Variants in TBC1D4 observed in about 807,000 individuals in gnomAD.
The protein encoded by TBC1D4 is TBC (Tre-2, BUB2, CDC16) domain-containing protein.
In TBC1D4, 121 loss-of-function variants were observed where a neutral mutation model predicts 142.5. That is an observed-to-expected ratio of 0.85 (90% CI 0.73 to 0.99). The LOEUF (loss-of-function observed/expected upper bound fraction) is 0.99. Ranked by LOEUF, TBC1D4 falls within the 50% of genes least tolerant of loss-of-function variation. The pLI is 0.00. For missense variants in TBC1D4, 1,475 were observed against 1,606.6 expected (o/e 0.92, Z 1.40); for synonymous variants, 630 against 628.2 (o/e 1.00, Z -0.04).
chr13:75,302,812 G>C, intron 15 of TBC1D4: 1 of 235,480 alleles, frequency 4.2e-6, no homozygotes, highest in South Asian at 6.2e-5. Flanking sequence ...AGTTCACATG[G>C]CTAGGAAGTG....
At position 75,286,647 on chromosome 13, in the gene TBC1D4, G is replaced by T. The variant is rs546699906; in HGVS notation, c.*145C>A. 2 of 797,636 alleles carry T rather than the reference G, an allele frequency of 2.5e-6. No homozygotes were observed. Among genetic ancestry groups the T allele is most frequent in the Non-Finnish European group, 4.2e-6 (2 of 476,042 alleles). 49.4% of individuals were successfully genotyped at this position (797,636 alleles called of 1,614,324 possible). ...GATTGGCATGCTCTGATGAGCACGA[G>T]GTCCACCTGCTGTGACTAGGCGCTC... On this transcript the variant is annotated 3_prime_UTR_variant, in exon 21 of 21. Transcript: ENST00000377636.
chr13:75,289,123 T>C lies in TBC1D4; in HGVS notation c.3487-13A>G. The C allele has an allele frequency of 6.2e-7, 1 of 1,613,372 alleles. No individual in the cohort carries two copies. Among genetic ancestry groups the C allele is most frequent in the Non-Finnish European group, 8.5e-7 (1 of 1,179,648 alleles). ...CCATCTCAAAAACCTGCCATGAAAGTATCATGGGTTAGGCTAGCCTTTGGT... is the reference window on the plus strand; with the variant it reads ...CCATCTCAAAAACCTGCCATGAAAGCATCATGGGTTAGGCTAGCCTTTGGT... On this transcript the variant is annotated splice_polypyrimidine_tract_variant and intron_variant, in intron 19 of 20. Transcript: ENST00000377636.
intron 1 of TBC1D4, among the ~76,000 whole-genome samples, chr13:75,469,506 C>T (rs1888309102): frequency 6.6e-6 from 1 of 152,174 alleles, no homozygotes; most frequent in Admixed American, 6.5e-5. Context: ...TGCTGTGGCT[C>T]ATACCTGTAA....
chr13:75,304,295 TCAAA>T (rs1299651802), intron 15 of TBC1D4, among the ~76,000 whole-genome samples: 3 of 152,184 alleles, frequency 2.0e-5, no homozygotes, highest in Non-Finnish European at 4.4e-5. Context: ...TTCATTCCAG[TCAAA>T]CAAACATTTA....
intron 1 of TBC1D4, among the ~76,000 whole-genome samples, chr13:75,384,361 G>A (rs570890155): frequency 4.6e-5 from 7 of 152,122 alleles, no homozygotes; most frequent in South Asian, 4.2e-4. Context: ...GCTTGAACCC[G>A]GGAGGCAGAG....
At chr13:75,465,229 CT>C (rs1465691280) in intron 1 of TBC1D4, among the ~76,000 whole-genome samples, 1 of 152,122 alleles carries the variant, frequency 6.6e-6, no homozygotes, top group Non-Finnish European at 1.5e-5. Context: ...TCAACTAATG[CT>C]GTTTTTCACT....
rs932236772 is a variant in TBC1D4 at position 75,482,026 on chromosome 13, C to T, written c.-259G>A. 1.7e-5 allele frequency: 7 copies of T among 403,984 alleles called. No individual in the cohort carries two copies. 25.0% of individuals were successfully genotyped at this position (403,984 alleles called of 1,614,324 possible). On this transcript the variant is annotated 5_prime_UTR_variant, in exon 1 of 21. Coordinates refer to ENST00000377636, the MANE Select transcript of TBC1D4 (RefSeq NM_014832.5). Reference sequence around the variant, plus strand: ...GGGCGGGTTAAATGGGCATCCTCCTCCTTGGGCTGGCGCCTCGGGCAGGAC... The same window carrying T: ...GGGCGGGTTAAATGGGCATCCTCCTTCTTGGGCTGGCGCCTCGGGCAGGAC...
rs1593793527 is a variant in TBC1D4 at position 75,362,680 on chromosome 13, T to C, written c.499-73A>G. ...AATTTACATTTACCTAGCCCAATTA[T>C]TACCACATGGAATGTATTTTCATCC... On this transcript the variant is annotated intron_variant, in intron 1 of 20. Transcript: ENST00000377636. This position sits in a 1 kb window ranked among gnomAD's most constrained non-coding sequence, Gnocchi z 4.2. 8 of 1,484,984 alleles carry C rather than the reference T, an allele frequency of 5.4e-6. No homozygotes were observed. In the East Asian group the frequency reaches 1.6e-4, roughly 29 times the overall value. 92.0% of individuals were successfully genotyped at this position (1,484,984 alleles called of 1,614,324 possible).
chr13:75,409,800 T>C (rs1439361760), intron 1 of TBC1D4, among the ~76,000 whole-genome samples: 1 of 152,252 alleles, frequency 6.6e-6, no homozygotes, highest in African/African-American at 2.4e-5. Flanking sequence ...TTAATAAATT[T>C]AGCGAACCCT....
intron 15 of TBC1D4, among the ~76,000 whole-genome samples, chr13:75,305,697 T>C (rs557374173): frequency 3.3e-5 from 5 of 152,346 alleles, no homozygotes; most frequent in Non-Finnish European, 5.9e-5. Flanking sequence ...CTATGGAGAT[T>C]CTAATTTTAA....
intron 1 of TBC1D4, among the ~76,000 whole-genome samples, chr13:75,387,154 T>G (rs774365341): frequency 2.4e-4 from 36 of 152,256 alleles, no homozygotes; most frequent in Admixed American, 1.1e-3. Context: ...AACAAAAAAG[T>G]TTGTGCAAAG....
intron 1 of TBC1D4, among the ~76,000 whole-genome samples, chr13:75,409,993 T>A (rs1885547687): frequency 6.6e-6 from 1 of 152,344 alleles, no homozygotes; most frequent in Admixed American, 6.5e-5. Flanking sequence ...TTTTTAAATT[T>A]GTTCACCAAA....
At chr13:75,297,121 G>T (rs559503724) in intron 17 of TBC1D4, among the ~76,000 whole-genome samples, 23 of 152,256 alleles carry the variant, frequency 1.5e-4, no homozygotes, top group African/African-American at 5.5e-4. Context: ...CAATACTGCG[G>T]CCTACAGCAA....
In TBC1D4 at chr13:75,326,362, C is replaced by T; in HGVS notation, c.1868G>A (p.Trp623Ter). Residue 623 changes from tryptophan (W) to a stop codon, truncating the protein, a stop_gained, in exon 10 of 21, where the codon TGG becomes TAG. Coordinates refer to ENST00000377636, the MANE Select transcript of TBC1D4 (RefSeq NM_014832.5). LOFTEE classifies it high-confidence loss of function. ...TPPASPPSSA[W>*]QTFPEEDSDS... ...GGAATCCTCTTCGGGAAACGTTTGCCAAGCTGAGGACGGTGGGGACGCTGG... is the reference window on the plus strand; with the variant it reads ...GGAATCCTCTTCGGGAAACGTTTGCTAAGCTGAGGACGGTGGGGACGCTGG... 1 of 1,614,118 alleles carries T rather than the reference C, an allele frequency of 6.2e-7. No individual in the cohort carries two copies. The highest frequency in any genetic ancestry group is 8.5e-7 in the Non-Finnish European group (1 of 1,180,018).
chr13:75,292,736 AAC>A (rs201337974), intron 18 of TBC1D4, among the ~76,000 whole-genome samples: 27 of 151,844 alleles, frequency 1.8e-4, no homozygotes, highest in African/African-American at 5.6e-4. Context: ...AAAAAAAAAA[AAC>A]ATTAACAGAA....
Position 75,362,266 on chromosome 13 carries a change from T to G in TBC1D4, c.840A>C (p.Leu280Phe), listed in dbSNP as rs1593792443. The change falls in exon 2 of 21, where the codon TTA (leucine) becomes TTC (phenylalanine). Residue 280 changes from leucine (L) to phenylalanine (F), a missense_variant. This residue lies in a region of TBC1D4 where 1,227 missense variants were observed against 1,267.7 expected (regional missense o/e 0.97). Transcript: ENST00000377636. The surrounding 1 kb of genome is among the most constrained non-coding windows in gnomAD (Gnocchi z 4.2). Reference sequence around the variant, plus strand: ...GGGCAGGCTGGCTGGCCCCGGCAGGTAAGCCAAGGTGGGTGTCGGTGCCGT... The same window carrying G: ...GGGCAGGCTGGCTGGCCCCGGCAGGGAAGCCAAGGTGGGTGTCGGTGCCGT... ...EADGTDTHLG[L>F]PAGASQPALT... is the part of the protein sequence containing the mutation. The G allele has an allele frequency of 6.2e-7, 1 of 1,613,710 alleles. No individual in the cohort carries two copies. Among genetic ancestry groups the G allele is most frequent in the Non-Finnish European group, 8.5e-7 (1 of 1,179,948 alleles).
intron 1 of TBC1D4, among the ~76,000 whole-genome samples, chr13:75,456,506 C>T (rs1887740915): frequency 1.3e-5 from 2 of 151,648 alleles, no homozygotes; most frequent in African/African-American, 4.8e-5. Context: ...AAGCACTTCA[C>T]AAAAGATAAC....
intron 1 of TBC1D4, among the ~76,000 whole-genome samples, chr13:75,385,014 A>T (rs1402860328): frequency 2.6e-5 from 4 of 152,258 alleles, no homozygotes; most frequent in Non-Finnish European, 5.9e-5. Flanking sequence ...ACATCAGCAG[A>T]TAATAAGATG....
chr13:75,473,018 G>A (rs922721295), intron 1 of TBC1D4, among the ~76,000 whole-genome samples: 2 of 152,164 alleles, frequency 1.3e-5, no homozygotes, highest in Non-Finnish European at 2.9e-5. Context: ...TTTATTTGGA[G>A]ACAGAGTAAG....
Sources: gnomAD v4.1 joint callset for allele counts (sites outside exome capture counted in the v4.1 genomes callset) on GRCh38, gnomAD v4.1.1 for gene constraint, gnomAD v4.1.1 regional missense constraint, Gnocchi (gnomAD v3.1) non-coding constraint, MANE v1.5 for transcripts, NCBI Gene and HGNC (gene_info 2026-07-23, HGNC 2026-07-21) for gene names.